CFAP20DC: variants seen among roughly 807,000 people sequenced by gnomAD.
CFAP20DC encodes the protein CFAP20 domain containing, also known as protein CFAP20DC.
A neutral mutation model predicts 101.7 loss-of-function variants in CFAP20DC; 84 were observed. The observed-to-expected ratio is 0.83, with a 90% CI of 0.69 to 0.99. CFAP20DC has a LOEUF of 0.99. CFAP20DC is among the 50% of genes least tolerant of loss of function. CFAP20DC has a pLI of 0.00. For synonymous variants in CFAP20DC, 359 were observed against 351.2 expected (o/e 1.02, Z -0.25); for missense variants, 1,007 against 970.3 (o/e 1.04, Z -0.50).
rs915875983 is a variant in CFAP20DC at position 58,849,048 on chromosome 3, G to C, written c.1955C>G (p.Ser652Trp). The change falls in exon 13 of 17, where the codon TCG becomes TGG. Residue 652 changes from serine to tryptophan, a missense_variant. Ser to Trp is a radical substitution (Grantham distance 177). Transcript: ENST00000482387. Reference protein sequence around the residue: ...LKEISGERLSSIPEASEYDWR... With the variant: ...LKEISGERLSWIPEASEYDWR... ...ACCACTTACAGATGCTTCGGGGATC[G>C]AGCTCAGCCTTTCCCCTGAGATTTC... 5.2e-6 allele frequency: 8 copies of C among 1,535,562 alleles called. No individual in the cohort carries two copies. The highest frequency in any genetic ancestry group is 7.0e-6 in the Non-Finnish European group (8 of 1,146,726).
intron 15 of CFAP20DC, among the ~76,000 whole-genome samples, chr3:58,787,436 G>A (rs1033234966): frequency 9.9e-5 from 15 of 151,638 alleles, no homozygotes; most frequent in African/African-American, 3.4e-4. Flanking sequence ...ACATGTATAC[G>A]TATGTAACTA....
intron 4 of CFAP20DC, among the ~76,000 whole-genome samples, chr3:58,940,589 T>C (rs1293719424): frequency 6.6e-6 from 1 of 152,200 alleles, no homozygotes; most frequent in African/African-American, 2.4e-5. Context: ...CATAAATATA[T>C]GTGTGTGAGG....
At chr3:58,942,166 C>T (rs1459222668) in intron 4 of CFAP20DC, among the ~76,000 whole-genome samples, 1 of 152,086 alleles carries the variant, frequency 6.6e-6, no homozygotes, top group African/African-American at 2.4e-5. Context: ...TTTAATTATA[C>T]TCATTGATCT....
intron 13 of CFAP20DC, among the ~76,000 whole-genome samples, chr3:58,846,985 C>A (rs1264081752): frequency 7.3e-6 from 1 of 136,506 alleles, no homozygotes; most frequent in East Asian, 2.1e-4. Context: ...AAACTGGATC[C>A]CTTCCTTACA....
At chr3:58,767,685 T>C (rs1458227776) in intron 15 of CFAP20DC, among the ~76,000 whole-genome samples, 1 of 152,192 alleles carries the variant, frequency 6.6e-6, no homozygotes, top group Non-Finnish European at 1.5e-5. Flanking sequence ...TGGACCACCA[T>C]GCCCTCTTTC....
At chr3:58,737,670 C>T (rs2067789290), downstream of CFAP20DC, among the ~76,000 whole-genome samples, 1 of 152,198 alleles carries the variant, frequency 6.6e-6, no homozygotes, top group Admixed American at 6.5e-5. The surrounding 1 kb of genome is among the most constrained non-coding windows in gnomAD (Gnocchi z 4.1). Flanking sequence ...CTCTTCCCCA[C>T]TCCCACTGCA....
At chr3:58,813,589 G>C (rs2074855837) in intron 14 of CFAP20DC, among the ~76,000 whole-genome samples, 1 of 151,824 alleles carries the variant, frequency 6.6e-6, no homozygotes, top group East Asian at 1.9e-4. Flanking sequence ...ATACTCCTTA[G>C]CTTCCAGATA....
chr3:58,893,626 T>C (rs1163498602), intron 6 of CFAP20DC, among the ~76,000 whole-genome samples: 2 of 152,342 alleles, frequency 1.3e-5, no homozygotes, highest in South Asian at 2.1e-4. Context: ...TGCCAGGTTT[T>C]GGTATCAGGA....
intron 1 of CFAP20DC, among the ~76,000 whole-genome samples, chr3:59,048,426 T>C (rs1369771249): frequency 6.6e-6 from 1 of 152,186 alleles, no homozygotes; most frequent in Admixed American, 6.5e-5. Context: ...CAGGTAATAT[T>C]TCACTATGAA....
At position 58,863,188 on chromosome 3, in the gene CFAP20DC, A is replaced by G; in HGVS notation, c.1593+370T>C. 8.7e-7 allele frequency: 1 copy of G among 1,149,048 alleles called. No homozygotes were observed. The highest frequency in any genetic ancestry group is 1.1e-6 in the Non-Finnish European group (1 of 937,216). 71.2% of individuals were successfully genotyped at this position (1,149,048 alleles called of 1,614,324 possible). A position where few individuals can be genotyped will look rare whatever the true frequency, so the allele number is the denominator to read the frequency against. ...AACCATCAATTTAGAATGCTTAGCAACTGCAACACAATTTCTCCAGAGATC... is the reference window on the plus strand; with the variant it reads ...AACCATCAATTTAGAATGCTTAGCAGCTGCAACACAATTTCTCCAGAGATC... On this transcript the variant is annotated intron_variant, in intron 12 of 16. Coordinates refer to ENST00000482387, the MANE Select transcript of CFAP20DC (RefSeq NM_001394063.1). The surrounding 1 kb of genome is among the most constrained non-coding windows in gnomAD (Gnocchi z 5.9).
At chr3:58,980,929 G>A (rs2108498199) in intron 4 of CFAP20DC, among the ~76,000 whole-genome samples, 1 of 152,334 alleles carries the variant, frequency 6.6e-6, no homozygotes. Context: ...CCTGTTTGCA[G>A]ATGACATGAT....
intron 15 of CFAP20DC, among the ~76,000 whole-genome samples, chr3:58,779,938 G>C (rs1300054354): frequency 2.0e-5 from 3 of 151,146 alleles, no homozygotes; most frequent in Non-Finnish European, 4.4e-5. Flanking sequence ...CAAAAACAAA[G>C]AGAGAATTAT....
At chr3:58,873,783 G>A (rs2108561179) in intron 7 of CFAP20DC, among the ~76,000 whole-genome samples, 1 of 152,270 alleles carries the variant, frequency 6.6e-6, no homozygotes, top group Non-Finnish European at 1.5e-5. Flanking sequence ...GATGTTGTCA[G>A]GCAGGCGTTC....
rs753358268 is a variant in CFAP20DC, at chr3:58,869,314, T to C, written c.1015+14A>G. 1.9e-6 allele frequency: 3 copies of C among 1,599,248 alleles called. No individual in the cohort carries two copies. Among genetic ancestry groups the C allele is most frequent in the Non-Finnish European group, 2.6e-6 (3 of 1,170,184 alleles). On this transcript the variant is annotated intron_variant, in intron 9 of 16. Coordinates refer to ENST00000482387, the MANE Select transcript of CFAP20DC (RefSeq NM_001394063.1). This position sits in a 1 kb window ranked among gnomAD's most constrained non-coding sequence, Gnocchi z 4.3. Reference sequence around the variant, plus strand: ...TTCACTAGCTATCAATCTTTATGCATGATTATTTCTTACCATGAATAGGTA... The same window carrying C: ...TTCACTAGCTATCAATCTTTATGCACGATTATTTCTTACCATGAATAGGTA...
intron 4 of CFAP20DC, among the ~76,000 whole-genome samples, chr3:58,966,389 A>G (rs2091529204): frequency 6.6e-6 from 1 of 152,088 alleles, no homozygotes; most frequent in Admixed American, 6.6e-5. Flanking sequence ...ATACTAAGAA[A>G]TAAATACTGA....
chr3:58,802,243 A>G (rs775837179), intron 15 of CFAP20DC, among the ~76,000 whole-genome samples: 1 of 152,220 alleles, frequency 6.6e-6, no homozygotes, highest in Non-Finnish European at 1.5e-5. Context: ...CCCACAAACC[A>G]ATAGATGGCA....
In CFAP20DC at chr3:58,845,339, C is replaced by T. The variant is rs879493255; in HGVS notation, c.1971+3693G>A. Among the ~76,000 whole-genome samples, 332 of 151,930 alleles carry T rather than the reference C, an allele frequency of 2.2e-3. 3 individuals are homozygous for T. Among genetic ancestry groups the T allele is most frequent in the Non-Finnish European group, 3.9e-3 (262 of 67,928 alleles). ...AAAATGATAAAGGGGATATCACCAC[C>T]GATCCCACAGAAATACAAACTACCA... On this transcript the variant is annotated intron_variant, in intron 13 of 16. Coordinates refer to ENST00000482387, the MANE Select transcript of CFAP20DC (RefSeq NM_001394063.1).
intron 15 of CFAP20DC, 117 bp downstream of exon 15, chr3:58,806,278 G>T (rs539173742): frequency 2.8e-6 from 2 of 706,562 alleles, no homozygotes; most frequent in Admixed American, 4.7e-5. Context: ...GACTTTGAAA[G>T]AACATAAGTT....
chr3:58,741,112 G>C (rs2067871248), downstream of CFAP20DC, among the ~76,000 whole-genome samples: 1 of 152,090 alleles, frequency 6.6e-6, no homozygotes, highest in Non-Finnish European at 1.5e-5. Flanking sequence ...TGAAATTATA[G>C]TACCACCATT....
Sources: gnomAD v4.1 joint callset for allele counts (sites outside exome capture counted in the v4.1 genomes callset) on GRCh38, gnomAD v4.1.1 for gene constraint, Gnocchi (gnomAD v3.1) non-coding constraint, MANE v1.5 for transcripts, NCBI Gene and HGNC (gene_info 2026-07-23, HGNC 2026-07-21) for gene names.